SYNPO2: variants seen among roughly 807,000 people sequenced by gnomAD.
The protein encoded by SYNPO2 is synaptopodin-2.
SYNPO2 carries 56 observed loss-of-function variants against 85.0 expected under a neutral mutation model. The ratio of observed to expected loss-of-function variants is 0.66; its 90% CI spans 0.53 to 0.82. The LOEUF (loss-of-function observed/expected upper bound fraction) is 0.82, where lower values mean the gene tolerates loss of function less well. Among genes scored for constraint, SYNPO2 ranks in the 40% least tolerant of loss-of-function variants. The pLI is 0.00. For synonymous variants in SYNPO2, 602 were observed against 591.1 expected, an observed-to-expected ratio of 1.02 and a Z score of -0.27; for missense variants, 1,575 against 1,534.2, an observed-to-expected ratio of 1.03 and a Z score of -0.44.
chr4:119,036,486 C>A (rs1386533281), intron 4 of SYNPO2: 2 of 985,258 alleles, frequency 2.0e-6, no homozygotes, highest in South Asian at 4.7e-5. Context: ...GAATTGAATT[C>A]TTCTCTAGAT....
chr4:119,035,335 C>T (rs1738464535), intron 4 of SYNPO2: 1 of 985,306 alleles, frequency 1.0e-6, no homozygotes, highest in African/African-American at 1.7e-5. Flanking sequence ...ATATTCCCCT[C>T]AGTCTTCTAG....
At chr4:118,902,216 T>C (rs1333163473) in intron 1 of SYNPO2, among the ~76,000 whole-genome samples, 3 of 152,176 alleles carry the variant, frequency 2.0e-5, no homozygotes, top group Non-Finnish European at 4.4e-5. Flanking sequence ...CAATGTGGTC[T>C]TCAAATTTCC....
Position 119,023,432 on chromosome 4 carries a change from T to A in SYNPO2, c.108T>A (p.Ile36=). 1 of 1,605,672 alleles carries A rather than the reference T, an allele frequency of 6.2e-7. No individual in the cohort carries two copies. The highest frequency in any genetic ancestry group is 8.5e-7 in the Non-Finnish European group (1 of 1,177,272). ...EQKQPLQVAK[I]RNQSKASGSG... The stretch of plus-strand genomic sequence containing the variant: ...TCTTCTTTTTTTACTCCACTCAGAT[T>A]CGAAATCAGAGCAAAGCCTCTGGGT... The change falls in exon 2 of 5, where the codon ATT becomes ATA. Residue 36 remains isoleucine, a splice_region_variant and synonymous_variant. Transcript: ENST00000307142.
At chr4:118,987,241 T>C (rs796418533) in intron 1 of SYNPO2, among the ~76,000 whole-genome samples, 5 of 152,358 alleles carry the variant, frequency 3.3e-5, no homozygotes, top group African/African-American at 1.2e-4. Flanking sequence ...AAATTTATTT[T>C]ATCTCATAAC....
At chr4:118,984,112 T>A (rs1736132266) in intron 1 of SYNPO2, among the ~76,000 whole-genome samples, 1 of 152,212 alleles carries the variant, frequency 6.6e-6, no homozygotes, top group Non-Finnish European at 1.5e-5. Flanking sequence ...CAAACTGGTG[T>A]CTCTGTCATG....
In SYNPO2 at chr4:119,049,484, T is replaced by G. The variant is rs192517965; in HGVS notation, c.3253-7917T>G. Among the ~76,000 whole-genome samples, 3 of 152,194 alleles carry G rather than the reference T, an allele frequency of 2.0e-5. No homozygotes were observed. In the South Asian group the frequency reaches 6.2e-4, roughly 32 times the overall value. ...GTAAGCAGGGTTTCAGCCAAGAGAA[T>G]TGTATCACTTTCAAGGTTTATGGTA... On this transcript the variant is annotated intron_variant, in intron 4 of 4. Coordinates refer to ENST00000307142, the MANE Select transcript of SYNPO2 (RefSeq NM_133477.3).
At chr4:119,048,216 T>G (rs1346938761) in intron 4 of SYNPO2, among the ~76,000 whole-genome samples, 1 of 152,206 alleles carries the variant, frequency 6.6e-6, no homozygotes, top group African/African-American at 2.4e-5. Context: ...TTGCATATAT[T>G]GAAGGTGGTG....
intron 1 of SYNPO2, among the ~76,000 whole-genome samples, chr4:118,991,986 T>A (rs181715758): frequency 3.3e-5 from 5 of 152,034 alleles, no homozygotes; most frequent in Non-Finnish European, 7.4e-5. Flanking sequence ...GTGAACAGCA[T>A]GTGCAAAGGT....
chr4:118,977,778 C>T (rs1319954014), intron 1 of SYNPO2, among the ~76,000 whole-genome samples: 3 of 152,224 alleles, frequency 2.0e-5, no homozygotes, highest in Admixed American at 6.5e-5. Flanking sequence ...CTTCTTTGAA[C>T]GTATATCATG....
At chr4:119,005,315 T>C (rs1736994420) in intron 1 of SYNPO2, among the ~76,000 whole-genome samples, 1 of 152,210 alleles carries the variant, frequency 6.6e-6, no homozygotes, top group African/African-American at 2.4e-5. Context: ...GCCTATGTCC[T>C]GAATGGTATT....
chr4:118,933,281 T>C (rs527479645), intron 1 of SYNPO2, among the ~76,000 whole-genome samples: 1 of 152,334 alleles, frequency 6.6e-6, no homozygotes, highest in South Asian at 2.1e-4. Flanking sequence ...GGAATTTTTA[T>C]TGCAGTGCCA....
intron 1 of SYNPO2, among the ~76,000 whole-genome samples, chr4:118,989,426 C>T (rs1395005563): frequency 6.6e-6 from 1 of 152,212 alleles, no homozygotes; most frequent in Non-Finnish European, 1.5e-5. Flanking sequence ...TGATTCTGAA[C>T]TTGTTTGCAC....
At chr4:118,859,481 C>T (rs1021032281) in intron 1 of SYNPO2, among the ~76,000 whole-genome samples, 4 of 152,084 alleles carry the variant, frequency 2.6e-5, no homozygotes, top group East Asian at 1.9e-4. Flanking sequence ...CTCTAGTCAC[C>T]TTGTCATACT....
intron 3 of SYNPO2, among the ~76,000 whole-genome samples, chr4:119,028,888 T>C (rs1170925510): frequency 6.6e-6 from 1 of 151,902 alleles, no homozygotes; most frequent in Non-Finnish European, 1.5e-5. Flanking sequence ...AGATGCTATA[T>C]GTTTAGTTGC....
intron 1 of SYNPO2, among the ~76,000 whole-genome samples, chr4:118,910,011 AT>A (rs1328565060): frequency 6.6e-6 from 1 of 152,068 alleles, no homozygotes; most frequent in African/African-American, 2.4e-5. Context: ...CTTCCCCATT[AT>A]TTTTTGTTTT....
At chr4:118,882,608 TCA>T (rs547885997) in intron 1 of SYNPO2, among the ~76,000 whole-genome samples, 41 of 151,722 alleles carry the variant, frequency 2.7e-4, no homozygotes, top group African/African-American at 9.4e-4. Flanking sequence ...TCTCTCTCTC[TCA>T]CACACACACA....
chr4:118,864,619 G>A (rs372067783), intron 1 of SYNPO2, among the ~76,000 whole-genome samples: 4 of 152,212 alleles, frequency 2.6e-5, no homozygotes, highest in Admixed American at 1.3e-4. Flanking sequence ...ATCCGGGTGC[G>A]TGCTCTAGTG....
chr4:119,028,768 CA>C (rs1166641022), intron 3 of SYNPO2, among the ~76,000 whole-genome samples: 8 of 142,722 alleles, frequency 5.6e-5, no homozygotes, highest in African/African-American at 2.0e-4. Flanking sequence ...ATAAAATAGT[CA>C]AAAATTTTTT....
At chr4:119,032,929 T>TGTGG in intron 4 of SYNPO2, 1 of 905,322 alleles carries the variant, frequency 1.1e-6, no homozygotes, top group Non-Finnish European at 1.3e-6. Flanking sequence ...AAAGGTTGAT[T>TGTGG]CCCACCCTCC....
Sources: allele counts gnomAD v4.1 joint callset (sites outside exome capture counted in the v4.1 genomes callset), GRCh38; gene constraint gnomAD v4.1.1; transcripts MANE v1.5; gene names NCBI Gene and HGNC (gene_info 2026-07-23, HGNC 2026-07-21).